Variants in NBAS observed in about 807,000 individuals in gnomAD.
NBAS encodes NAG/BC035112 fusion.
In NBAS, 219 loss-of-function variants were observed where a neutral mutation model predicts 302.5. The observed-to-expected ratio is 0.72, with a 90% CI of 0.65 to 0.81. The LOEUF is 0.81. Among genes scored for constraint, NBAS ranks in the 30% least tolerant of loss-of-function variants. The pLI, the probability that NBAS is intolerant of heterozygous loss-of-function variation, is 0.00. For synonymous variants in NBAS, 1,118 were observed against 1,021.6 expected, an observed-to-expected ratio of 1.09 and a Z score of -1.80; for missense variants, 2,932 against 2,841.6, an observed-to-expected ratio of 1.03 and a Z score of -0.72.
intron 6 of NBAS, among the ~76,000 whole-genome samples, chr2:15,547,937 C>A (rs1487086684): frequency 6.6e-6 from 1 of 152,204 alleles, no homozygotes; most frequent in Non-Finnish European, 1.5e-5. Context: ...GCAAACAGGT[C>A]TTCTTATCCA....
At chr2:14,822,088 C>T in the NBAS span, among the ~76,000 whole-genome samples, 1 of 151,884 alleles carries the variant, frequency 6.6e-6, no homozygotes, top group South Asian at 2.1e-4. Context: ...GTTATTAATG[C>T]GATCATCCTA....
intron 25 of NBAS, among the ~76,000 whole-genome samples, chr2:15,403,864 C>CGTGTGTGTGTGTGT (rs10624311): frequency 1.0e-4 from 14 of 135,440 alleles, no homozygotes; most frequent in East Asian, 6.4e-4. Flanking sequence ...TTCCTTCCTT[C>CGTGTGTGTGTGTGT]GTGTGTGTGT....
Position 15,275,652 on chromosome 2 carries a change from CT to C in NBAS, c.5555del (p.Gln1852ArgfsTer30). On this transcript the variant is annotated frameshift_variant, in exon 44 of 52. Coordinates refer to ENST00000281513, the MANE Select transcript of NBAS (RefSeq NM_015909.4). LOFTEE classifies it high-confidence loss of function. ...SPSSLYTIWL[Q>X]KLFWTGDPHL... ...GAGGGTCTCCAGTCCAGAACAACTTCTGTAACCAGATGGTGTACAGAGAGCT... is the reference window on the plus strand; with the variant it reads ...GAGGGTCTCCAGTCCAGAACAACTTCGTAACCAGATGGTGTACAGAGAGCT... 6.2e-7 allele frequency: 1 copy of C among 1,614,214 alleles called. No homozygotes were observed. The highest frequency in any genetic ancestry group is 8.5e-7 in the Non-Finnish European group (1 of 1,180,040).
the NBAS span, among the ~76,000 whole-genome samples, chr2:15,149,333 C>G: frequency 0.16 from 23,843 of 152,192 alleles, 2,003 homozygotes; most frequent in South Asian, 0.35. Context: ...GATCTCCCAG[C>G]CTCCAGAACT....
intron 21 of NBAS, among the ~76,000 whole-genome samples, chr2:15,441,256 G>C (rs1448368643): frequency 1.3e-5 from 2 of 152,126 alleles, no homozygotes; most frequent in African/African-American, 4.8e-5. Flanking sequence ...CAGCCAGAGA[G>C]AAAGGTCGGG....
intron 41 of NBAS, among the ~76,000 whole-genome samples, chr2:15,288,964 TAAAAC>T (rs1670181917): frequency 6.6e-6 from 1 of 152,264 alleles, no homozygotes; most frequent in Non-Finnish European, 1.5e-5. Flanking sequence ...TATAAAACCT[TAAAAC>T]AAATGCTAAA....
In NBAS at chr2:15,468,384, G is replaced by T; in HGVS notation, c.1875C>A (p.Gly625=). 1 of 1,613,938 alleles carries T rather than the reference G, an allele frequency of 6.2e-7. No individual in the cohort carries two copies. Among genetic ancestry groups the T allele is most frequent in the Non-Finnish European group, 8.5e-7 (1 of 1,179,908 alleles). ...LLAIGKGADD[G]RFTLPGEIDI... is the part of the protein sequence containing the mutation. ...ATCCAATTCTTTCTGTAACCAACCT[G>T]CCATCATCTGCTCCTTTCCCTATTG... The change falls in exon 17 of 52, where the codon GGC becomes GGA. Residue 625 remains glycine (G), a splice_region_variant and synonymous_variant. Transcript: ENST00000281513.
At chr2:15,442,358 C>T (rs796370064) in intron 21 of NBAS, among the ~76,000 whole-genome samples, 1 of 150,096 alleles carries the variant, frequency 6.7e-6, no homozygotes, top group Non-Finnish European at 1.5e-5. Context: ...TCACTCAAAA[C>T]CGCTCAACTA....
intron 22 of NBAS, among the ~76,000 whole-genome samples, chr2:15,426,389 G>A (rs1448807801): frequency 2.0e-5 from 3 of 152,226 alleles, no homozygotes; most frequent in African/African-American, 7.2e-5. Flanking sequence ...CAAAGCAATA[G>A]GCTTGAATTA....
At chr2:15,446,930 G>A (rs553316958) in intron 21 of NBAS, among the ~76,000 whole-genome samples, 71 of 147,036 alleles carry the variant, frequency 4.8e-4, no homozygotes, top group South Asian at 6.4e-4. Flanking sequence ...ATTCAATAAA[G>A]GAGATTGAAT....
chr2:15,144,046 A>ATATATATATTATCCTATATATAT, the NBAS span, among the ~76,000 whole-genome samples: 1 of 104,578 alleles, frequency 9.6e-6, no homozygotes, highest in African/African-American at 4.8e-5. Flanking sequence ...CCTATATATA[A>ATATATATATTATCCTATATATAT]AAATATATAT....
chr2:15,398,142 T>G (rs370939229), intron 26 of NBAS, among the ~76,000 whole-genome samples: 285 of 27,204 alleles, frequency 0.01, 2 homozygotes, highest in East Asian at 0.027. Context: ...TGTTTTGTTT[T>G]GTTTGGTTTG....
At chr2:15,471,737 T>C (rs140218229) in intron 16 of NBAS, among the ~76,000 whole-genome samples, 3 of 152,258 alleles carry the variant, frequency 2.0e-5, no homozygotes, top group African/African-American at 2.4e-5. Context: ...GGCCCCATGA[T>C]AGGATTGGTG....
At chr2:15,525,428 A>G (rs1180013470) in intron 9 of NBAS, among the ~76,000 whole-genome samples, 2 of 152,220 alleles carry the variant, frequency 1.3e-5, no homozygotes, top group Non-Finnish European at 2.9e-5. Flanking sequence ...AGAAAGTAGG[A>G]CAACCAAGAA....
chr2:15,468,346 A>C (rs1275847646), intron 17 of NBAS, 36 bp downstream of exon 17: 1 of 1,612,912 alleles, frequency 6.2e-7, no homozygotes, highest in East Asian at 2.2e-5. Flanking sequence ...TCACAAAGTC[A>C]CCTTTACTTT....
At chr2:14,822,947 G>C in the NBAS span, among the ~76,000 whole-genome samples, 1 of 152,142 alleles carries the variant, frequency 6.6e-6, no homozygotes, top group African/African-American at 2.4e-5. Flanking sequence ...TTCTTCTAGA[G>C]AGAGCAAATG....
the NBAS span, among the ~76,000 whole-genome samples, chr2:14,871,767 TATA>T: frequency 6.6e-6 from 1 of 151,810 alleles, no homozygotes; most frequent in African/African-American, 2.4e-5. Flanking sequence ...ATTGTGATAA[TATA>T]ATAATGAAAT....
At position 15,537,822 on chromosome 2, in the gene NBAS, A is replaced by T. The variant is rs191595014; in HGVS notation, c.514-1271T>A. 6.6e-5 allele frequency among the ~76,000 whole-genome samples: 10 copies of T among 152,336 alleles called. No homozygotes were observed. The East Asian group carries it at 1.9e-3, about 29-fold the overall frequency. ...AAATATTAACATCAATAAAAACTGT[A>T]CAACTTTTCTCCTGCTAATCTGTCT... On this transcript the variant is annotated intron_variant, in intron 7 of 51. Coordinates refer to ENST00000281513, the MANE Select transcript of NBAS (RefSeq NM_015909.4).
the NBAS span, among the ~76,000 whole-genome samples, chr2:14,932,470 A>T: frequency 6.6e-6 from 1 of 152,346 alleles, no homozygotes; most frequent in South Asian, 2.1e-4. Flanking sequence ...CAGCCAGCTG[A>T]TGACTAAGCC....
Sources: gnomAD v4.1 joint callset for allele counts (sites outside exome capture counted in the v4.1 genomes callset) on GRCh38, gnomAD v4.1.1 for gene constraint, MANE v1.5 for transcripts, NCBI Gene and HGNC (gene_info 2026-07-23, HGNC 2026-07-21) for gene names.